The following AOPEP variants were observed in gnomAD, a reference collection of about 807,000 sequenced individuals.
AOPEP encodes the protein aminopeptidase O (putative).
In AOPEP, 77 loss-of-function variants were observed where a neutral mutation model predicts 98.1. The ratio of observed to expected loss-of-function variants is 0.78; its 90% CI spans 0.65 to 0.95. The LOEUF is 0.95. AOPEP is among the 40% of genes least tolerant of loss of function. The pLI is 0.00. For missense variants in AOPEP, 1,024 were observed against 1,024.7 expected (o/e 1.00, Z 0.01); for synonymous variants, 346 against 365.3 (o/e 0.95, Z 0.60).
At chr9:94,945,594 C>T (rs140291727) in intron 7 of AOPEP, among the ~76,000 whole-genome samples, 2 of 152,238 alleles carry the variant, frequency 1.3e-5, no homozygotes, top group Admixed American at 6.5e-5. Context: ...CTGCCGCTGC[C>T]GCCCCCATGC....
chr9:95,101,540 T>A, the AOPEP span: 1 of 832,900 alleles, frequency 1.2e-6, no homozygotes. Flanking sequence ...TGGCTCTGCA[T>A]TTTGTAAAAT....
chr9:95,081,336 AGT>A (rs749774433), intron 15 of AOPEP, among the ~76,000 whole-genome samples: 5 of 152,222 alleles, frequency 3.3e-5, no homozygotes, highest in Non-Finnish European at 7.3e-5. Flanking sequence ...TGATGTCCGC[AGT>A]GTGTCAGGTC....
chr9:94,982,132 CT>C (rs939515434), intron 11 of AOPEP, among the ~76,000 whole-genome samples: 14 of 151,088 alleles, frequency 9.3e-5, no homozygotes, highest in Admixed American at 4.6e-4. Context: ...CCTTTTATGA[CT>C]TTTTTTTTGG....
chr9:95,107,320 ATACT>A, the AOPEP span: 22 of 1,565,364 alleles, frequency 1.4e-5, no homozygotes, highest in Non-Finnish European at 1.7e-5. Context: ...CAGGACAGAC[ATACT>A]TCTAGGATTT....
chr9:95,014,145 G>C (rs1294680691), intron 13 of AOPEP, among the ~76,000 whole-genome samples: 1 of 152,126 alleles, frequency 6.6e-6, no homozygotes, highest in Non-Finnish European at 1.5e-5. Flanking sequence ...GACAGCCTGA[G>C]CAACATGGCA....
At chr9:95,031,607 T>C (rs984186106) in intron 13 of AOPEP, among the ~76,000 whole-genome samples, 1 of 152,246 alleles carries the variant, frequency 6.6e-6, no homozygotes, top group African/African-American at 2.4e-5. Context: ...TGCACACTTT[T>C]GCAGATCAAA....
chr9:94,998,817 A>G (rs950373448), intron 11 of AOPEP, among the ~76,000 whole-genome samples: 4 of 152,208 alleles, frequency 2.6e-5, no homozygotes, highest in Admixed American at 2.0e-4. Context: ...TTCAACTTAC[A>G]TTATTCTCTC....
At chr9:94,913,140 C>G (rs1037854146) in intron 5 of AOPEP, among the ~76,000 whole-genome samples, 3 of 152,150 alleles carry the variant, frequency 2.0e-5, no homozygotes, top group Non-Finnish European at 2.9e-5. Flanking sequence ...CCACGGTGAA[C>G]ACATGCAAAG....
chr9:95,126,634 A>G, the AOPEP span: 2 of 1,576,578 alleles, frequency 1.3e-6, no homozygotes, highest in Non-Finnish European at 1.7e-6. Flanking sequence ...ACTTTCTCAG[A>G]AACTTGCTAT....
chr9:94,887,948 A>C (rs1402820722), intron 5 of AOPEP, among the ~76,000 whole-genome samples: 1 of 152,224 alleles, frequency 6.6e-6, no homozygotes, highest in African/African-American at 2.4e-5. Flanking sequence ...TTTATTGGGA[A>C]AGGATTTGTC....
intron 5 of AOPEP, among the ~76,000 whole-genome samples, chr9:94,856,023 G>A (rs1036831801): frequency 1.3e-5 from 2 of 152,162 alleles, no homozygotes; most frequent in African/African-American, 4.8e-5. Context: ...CACACCCTAT[G>A]TTCTATCTAC....
intron 5 of AOPEP, among the ~76,000 whole-genome samples, chr9:94,836,233 C>T (rs764849020): frequency 2.6e-5 from 4 of 152,120 alleles, no homozygotes; most frequent in African/African-American, 4.8e-5. Flanking sequence ...TTTTACTTCT[C>T]TAGAGTAAAT....
At chr9:95,067,924 TTA>T (rs1352858993) in intron 14 of AOPEP, among the ~76,000 whole-genome samples, 1 of 152,248 alleles carries the variant, frequency 6.6e-6, no homozygotes, top group Non-Finnish European at 1.5e-5. Context: ...ATAAATGGAA[TTA>T]TATATAATAT....
chr9:94,976,478 T>C (rs2059847763), intron 10 of AOPEP, among the ~76,000 whole-genome samples: 1 of 152,164 alleles, frequency 6.6e-6, no homozygotes, highest in African/African-American at 2.4e-5. Context: ...ATTAAGTCGC[T>C]CCTCGGACTT....
intron 2 of AOPEP, 95 bp downstream of exon 2, chr9:94,760,675 C>G (rs1007700273): frequency 4.1e-6 from 4 of 984,484 alleles, no homozygotes; most frequent in Non-Finnish European, 5.8e-6. Context: ...AGAGATGCTC[C>G]TGTGTCTTCT....
rs1832656688 is a variant in AOPEP, at chr9:94,739,760, T to C, written c.-136+13009T>C. Among the ~76,000 whole-genome samples, 7 of 152,148 alleles carry C rather than the reference T, an allele frequency of 4.6e-5. No homozygotes were observed. In the South Asian group the frequency reaches 1.4e-3, roughly 32 times the overall value. Reference sequence around the variant, plus strand: ...GACCAGGCGTCTCTCCTTGTTACGCTAGGCATGAAGTTCACCAGACCTATT... The same window carrying C: ...GACCAGGCGTCTCTCCTTGTTACGCCAGGCATGAAGTTCACCAGACCTATT... On this transcript the variant is annotated intron_variant, in intron 1 of 16. Coordinates refer to ENST00000375315, the MANE Select transcript of AOPEP (RefSeq NM_001193329.3).
At chr9:95,131,584 C>T in the AOPEP span, among the ~76,000 whole-genome samples, 127 of 152,270 alleles carry the variant, frequency 8.3e-4, 1 homozygote, top group South Asian at 0.026. Context: ...TGCAGAACCT[C>T]CCAGCTTTTA....
Position 95,061,154 on chromosome 9 carries a change from G to A in AOPEP, c.2232+344G>A, listed in dbSNP as rs565946801. ...CACATTAAGGAAACTTGGCTCAGATGTGTCAGAGCTTCTTGGTTGCATTCA... is the reference window on the plus strand; with the variant it reads ...CACATTAAGGAAACTTGGCTCAGATATGTCAGAGCTTCTTGGTTGCATTCA... On this transcript the variant is annotated intron_variant, in intron 14 of 16. Transcript: ENST00000375315. Among the ~76,000 whole-genome samples, 3 of 152,324 alleles carry A rather than the reference G, an allele frequency of 2.0e-5. No homozygotes were observed. In the East Asian group the frequency reaches 5.8e-4, roughly 29 times the overall value.
chr9:94,898,352 C>T (rs2049862825), intron 5 of AOPEP, among the ~76,000 whole-genome samples: 1 of 152,042 alleles, frequency 6.6e-6, no homozygotes, highest in South Asian at 2.1e-4. Context: ...GGCGTGGTGG[C>T]TCATGTCTGT....
Sources: allele counts gnomAD v4.1 joint callset (sites outside exome capture counted in the v4.1 genomes callset), GRCh38; gene constraint gnomAD v4.1.1; transcripts MANE v1.5; gene names NCBI Gene and HGNC (gene_info 2026-07-23, HGNC 2026-07-21).